THBS3: variants seen among roughly 807,000 people sequenced by gnomAD.
THBS3 encodes the protein thrombospondin 3.
Under a neutral mutation model 118.3 loss-of-function variants are expected in THBS3, and 78 were observed. The observed-to-expected ratio is 0.66, with a 90% CI of 0.55 to 0.80. The LOEUF (loss-of-function observed/expected upper bound fraction) is 0.80. Ranked by LOEUF, THBS3 falls within the 30% of genes least tolerant of loss-of-function variation. The pLI is 0.00. For missense variants in THBS3, 1,057 were observed against 1,247.4 expected (o/e 0.85, Z 2.30); for synonymous variants, 427 against 475.3 (o/e 0.90, Z 1.32).
intron 17 of THBS3, 51 bp from the exon 18 acceptor site, chr1:155,198,271 G>A (rs1669033297): frequency 1.9e-6 from 3 of 1,605,680 alleles, no homozygotes; most frequent in Admixed American, 3.3e-5. Flanking sequence ...ACTGCCATTA[G>A]GCAACAATAC....
chr1:155,201,891 A>G (rs1232365832), intron 10 of THBS3, 66 bp downstream of exon 10: 1 of 1,604,486 alleles, frequency 6.2e-7, no homozygotes, highest in African/African-American at 1.3e-5. Flanking sequence ...TGAAGGTAAG[A>G]AGGGGCGGGG....
intron 21 of THBS3, 62 bp from the exon 22 acceptor site, chr1:155,196,188 A>G (rs1002214316): frequency 6.3e-7 from 1 of 1,594,010 alleles, no homozygotes; most frequent in Non-Finnish European, 8.6e-7. Context: ...GCACTGTGCC[A>G]CCATGCCTGG....
chr1:155,198,134 C>A lies in THBS3; in HGVS notation c.2161G>T (p.Val721Leu), dbSNP rs141294487. 1 of 1,614,086 alleles carries A rather than the reference C, an allele frequency of 6.2e-7. No homozygotes were observed. Among genetic ancestry groups the A allele is most frequent in the African/African-American group, 1.3e-5 (1 of 74,944 alleles). Residue 721 changes from valine to leucine, a missense_variant, in exon 18 of 23, where the codon GTA (valine) becomes TTA (leucine). Physicochemically the swap from Val to Leu is conservative, Grantham distance 32. Coordinates refer to ENST00000368378, the MANE Select transcript of THBS3 (RefSeq NM_007112.5). ...PLDVCPESAE[V>L]TLTDFRAYQT... ...TAGGCCCGAAAATCCGTAAGCGTTA[C>A]CTCTGCACTTTCAGGACACACATCC...
In THBS3 at chr1:155,195,969, C is replaced by A; in HGVS notation, c.2812+18G>T. On this transcript the variant is annotated intron_variant, in intron 22 of 22. Transcript: ENST00000368378. The stretch of plus-strand genomic sequence containing the variant: ...ACAAGGCATGAAGGATTAGGTTGAT[C>A]TCAATCAGCCACCTCACCATTGCAT... The A allele has an allele frequency of 1.9e-6, 3 of 1,614,190 alleles. No individual in the cohort carries two copies. Among genetic ancestry groups the A allele is most frequent in the Non-Finnish European group, 2.5e-6 (3 of 1,180,024 alleles).
upstream of THBS3, chr1:155,208,829 A>G: frequency 6.3e-7 from 1 of 1,577,998 alleles, no homozygotes; most frequent in South Asian, 1.1e-5. Flanking sequence ...ACCCCCCCGC[A>G]GTCCCCGCTC....
Position 155,195,741 on chromosome 1 carries a change from G to C in THBS3, c.*100C>G. The C allele has an allele frequency of 7.7e-7, 1 of 1,304,886 alleles. No individual in the cohort carries two copies. 80.8% of individuals were successfully genotyped at this position (1,304,886 alleles called of 1,614,324 possible). The stretch of plus-strand genomic sequence containing the variant: ...TTTTGGGAGCCAGAGAAGGGTCTGT[G>C]GTTGGCTGAGGGGCTGTAGCTTAGA... On this transcript the variant is annotated 3_prime_UTR_variant, in exon 23 of 23. Transcript: ENST00000368378.
Position 155,201,199 on chromosome 1 carries a change from G to T in THBS3, c.1335C>A (p.Asn445Lys). 1 of 1,614,036 alleles carries T rather than the reference G, an allele frequency of 6.2e-7. No homozygotes were observed. The highest frequency in any genetic ancestry group is 8.5e-7 in the Non-Finnish European group (1 of 1,180,028). ...ERNGAVSCQCNVGWAGNGNVC... is the reference protein window; with the variant it reads ...ERNGAVSCQCKVGWAGNGNVC... Reference sequence around the variant, plus strand: ...CGTTCCCATTCCCAGCCCAGCCCACGTTACACTAGGGCAACACAAAGGGTA... The same window carrying T: ...CGTTCCCATTCCCAGCCCAGCCCACTTTACACTAGGGCAACACAAAGGGTA... Residue 445 changes from asparagine (N) to lysine (K), a missense_variant, in exon 12 of 23, where the codon AAC (asparagine) becomes AAA (lysine). Asn to Lys is a moderately conservative substitution (Grantham distance 94). Around this residue, in one of 3 missense-constraint regions of THBS3, gnomAD observed 544 missense variants for 715.6 expected, o/e 0.76. Coordinates refer to ENST00000368378, the MANE Select transcript of THBS3 (RefSeq NM_007112.5).
At chr1:155,204,004 A>AT (rs1557873445) in intron 4 of THBS3, among the ~76,000 whole-genome samples, 6 of 151,776 alleles carry the variant, frequency 4.0e-5, no homozygotes, top group Admixed American at 3.3e-4. Context: ...TGCCCAGCTA[A>AT]TTTTTTGTAT....
chr1:155,205,424 A>C, intron 2 of THBS3, 108 bp from the exon 3 acceptor site: 7 of 1,435,000 alleles, frequency 4.9e-6, no homozygotes, highest in Non-Finnish European at 6.6e-6. Context: ...CCCTATCCCT[A>C]ATTCTACTAT....
Position 155,200,527 on chromosome 1 carries a change from G to A in THBS3, c.1632C>T (p.Asn544=), listed in dbSNP as rs544230528. The A allele has an allele frequency of 1.5e-5, 24 of 1,614,038 alleles. No individual in the cohort carries two copies. The highest frequency in any genetic ancestry group is 9.9e-5 in the South Asian group (9 of 91,072). ...SFGDACDNCP[N]VPNNDQKDTD... ...TGTCCTTCTGGTCATTGTTGGGAAC[G>A]TTGGGGCAATTGTCACAGGCATCAC... is the stretch of plus-strand genomic sequence containing the variant. Residue 544 remains asparagine, a synonymous_variant, in exon 14 of 23, where the codon AAC becomes AAT. Transcript: ENST00000368378.
rs974328714 is a variant in THBS3, at chr1:155,195,643, G to A, written c.*198C>T. ...TGCTGTCATCTTTCCTGGGGTTAGTGCCTGAGTAATACCCCTTGAAAACTT... is the reference window on the plus strand; with the variant it reads ...TGCTGTCATCTTTCCTGGGGTTAGTACCTGAGTAATACCCCTTGAAAACTT... On this transcript the variant is annotated 3_prime_UTR_variant, in exon 23 of 23. Coordinates refer to ENST00000368378, the MANE Select transcript of THBS3 (RefSeq NM_007112.5). The A allele has an allele frequency of 8.5e-6, 5 of 589,504 alleles. No individual in the cohort carries two copies. The highest frequency in any genetic ancestry group is 1.2e-5 in the Non-Finnish European group (4 of 330,218). 36.5% of individuals were successfully genotyped at this position (589,504 alleles called of 1,614,324 possible). A position where few individuals can be genotyped will look rare whatever the true frequency, so the allele number is the denominator to read the frequency against.
Position 155,206,333 on chromosome 1 carries a change from G to A in THBS3, c.153C>T (p.Leu51=), listed in dbSNP as rs1271226682. The A allele has an allele frequency of 3.7e-6, 6 of 1,614,168 alleles. No homozygotes were observed. Among genetic ancestry groups the A allele is most frequent in the Admixed American group, 1.7e-5 (1 of 60,034 alleles). ...AVAEKIRTAL[L]TAGDIYLLST... ...ATAAGAGGTAGATGTCCCCAGCAGT[G>A]AGCAAGGCTGTCCGGATCTTCTCTG... Residue 51 remains leucine, a synonymous_variant, in exon 2 of 23, where the codon CTC becomes CTT. Transcript: ENST00000368378. The surrounding 1 kb of genome is among the most constrained non-coding windows in gnomAD (Gnocchi z 4.2).
rs1173175530 is a variant in THBS3, at chr1:155,204,964, G to A, written c.544-7C>T. The A allele has an allele frequency of 1.9e-6, 3 of 1,613,856 alleles. No homozygotes were observed. Among genetic ancestry groups the A allele is most frequent in the Non-Finnish European group, 2.5e-6 (3 of 1,179,988 alleles). On this transcript the variant is annotated splice_region_variant and splice_polypyrimidine_tract_variant and intron_variant, in intron 3 of 22. Transcript: ENST00000368378. ...TCATAGATTCCACAAAGCCCTGGGG[G>A]GATAGCAGCAGAGTAAGGTGGGAAG...
upstream of THBS3, chr1:155,207,955 G>T: frequency 7.5e-7 from 1 of 1,324,746 alleles, no homozygotes; most frequent in African/African-American, 1.5e-5. Context: ...CAGGAGCCGG[G>T]GGGCGGAGGG....
intron 4 of THBS3, 26 bp downstream of exon 4, chr1:155,204,829 T>G (rs1194257297): frequency 3.7e-6 from 6 of 1,605,942 alleles, no homozygotes; most frequent in Non-Finnish European, 5.1e-6. Context: ...CGTGGTCCAA[T>G]GTCAGCAAAC....
intron 2 of THBS3, among the ~76,000 whole-genome samples, chr1:155,205,853 G>A (rs1324384079): frequency 6.6e-6 from 1 of 152,216 alleles, no homozygotes; most frequent in Non-Finnish European, 1.5e-5. Context: ...CTCCTAGGGT[G>A]ACAGCTGGTT....
At chr1:155,199,591 T>C (rs1669332879) in intron 16 of THBS3, among the ~76,000 whole-genome samples, 1 of 151,998 alleles carries the variant, frequency 6.6e-6, no homozygotes, top group African/African-American at 2.4e-5. Context: ...CTGTCTCTAC[T>C]GAAAATACAA....
upstream of THBS3, among the ~76,000 whole-genome samples, chr1:155,208,285 A>T (rs562800960): frequency 6.6e-6 from 1 of 152,358 alleles, no homozygotes; most frequent in Admixed American, 6.5e-5. Flanking sequence ...AAGGATGCCA[A>T]GGGAGTGGCC....
At chr1:155,208,956 G>T (rs774846663), upstream of THBS3, 1 of 1,609,150 alleles carries the variant, frequency 6.2e-7, no homozygotes, top group South Asian at 1.1e-5. Context: ...GCGCCTTCAG[G>T]GGTTCGGGGC....
Sources: gnomAD v4.1 joint callset for allele counts (sites outside exome capture counted in the v4.1 genomes callset) on GRCh38, gnomAD v4.1.1 for gene constraint, gnomAD v4.1.1 regional missense constraint, Gnocchi (gnomAD v3.1) non-coding constraint, MANE v1.5 for transcripts, NCBI Gene and HGNC (gene_info 2026-07-23, HGNC 2026-07-21) for gene names.